The following ADAMTS2 variants were observed in gnomAD, a reference collection of about 807,000 sequenced individuals.
The protein encoded by ADAMTS2 is ADAM metallopeptidase with thrombospondin type 1 motif 2.
Under a neutral mutation model 123.0 loss-of-function variants are expected in ADAMTS2, and 50 were observed. That is an observed-to-expected ratio of 0.41 (90% CI 0.32 to 0.51). ADAMTS2 has a LOEUF of 0.51. ADAMTS2 is among the 20% of genes least tolerant of loss of function. The pLI, the probability that ADAMTS2 is intolerant of heterozygous loss-of-function variation, is 0.35. For synonymous variants in ADAMTS2, 678 were observed against 695.4 expected, an observed-to-expected ratio of 0.98 and a Z score of 0.39; for missense variants, 1,494 against 1,705.2, an observed-to-expected ratio of 0.88 and a Z score of 2.18.
intron 3 of ADAMTS2, among the ~76,000 whole-genome samples, chr5:179,218,994 G>T (rs1765064731): frequency 6.6e-6 from 1 of 152,114 alleles, no homozygotes; most frequent in Non-Finnish European, 1.5e-5. Flanking sequence ...GCCCTGTCTG[G>T]CCATTACACC....
At chr5:179,149,088 G>A (rs1763305300) in intron 10 of ADAMTS2, among the ~76,000 whole-genome samples, 1 of 152,224 alleles carries the variant, frequency 6.6e-6, no homozygotes, top group African/African-American at 2.4e-5. Context: ...TGGGGTTGCA[G>A]GCGAGGAGGG....
At chr5:179,206,350 G>A (rs976758177) in intron 4 of ADAMTS2, among the ~76,000 whole-genome samples, 1 of 152,174 alleles carries the variant, frequency 6.6e-6, no homozygotes, top group African/African-American at 2.4e-5. Context: ...CTTGGCTCCT[G>A]GAGGGGCTCA....
At chr5:179,263,365 T>C (rs1264224970) in intron 3 of ADAMTS2, among the ~76,000 whole-genome samples, 2 of 150,896 alleles carry the variant, frequency 1.3e-5, no homozygotes, top group African/African-American at 2.4e-5. Flanking sequence ...CCCCATGATT[T>C]GGGGAGCAGC....
chr5:179,306,897 G>A lies in ADAMTS2; in HGVS notation c.535-33833C>T, dbSNP rs535925829. On this transcript the variant is annotated intron_variant, in intron 2 of 21. Coordinates refer to ENST00000251582, the MANE Select transcript of ADAMTS2 (RefSeq NM_014244.5). The stretch of plus-strand genomic sequence containing the variant: ...GTGCTCCCACAGGCTCTGAGGACAT[G>A]GCTCTTATTCCAGGACCAGGCCTGA... Among the ~76,000 whole-genome samples, 22 of 152,284 alleles carry A rather than the reference G, an allele frequency of 1.4e-4. 1 individual carries two copies. In the South Asian group the frequency reaches 2.5e-3, roughly 17 times the overall value.
chr5:179,126,042 T>C lies in ADAMTS2; in HGVS notation c.2706A>G (p.Lys902=). Residue 902 remains lysine, a synonymous_variant, in exon 18 of 22, where the codon AAA becomes AAG. Transcript: ENST00000251582. ...GTGGGTTGCACGCTCTGCGGATGGC[T>C]TTGGGCTTCGAGAGGGCGGCACAGA... ...RGFCAALSKP[K]AIRRACNPQE... The C allele has an allele frequency of 6.2e-7, 1 of 1,613,420 alleles. No individual in the cohort carries two copies. The highest frequency in any genetic ancestry group is 1.3e-5 in the African/African-American group (1 of 75,080).
At chr5:179,247,814 T>C (rs1365169663) in intron 3 of ADAMTS2, among the ~76,000 whole-genome samples, 2 of 152,108 alleles carry the variant, frequency 1.3e-5, no homozygotes, top group South Asian at 4.1e-4. Flanking sequence ...TAAGACACTT[T>C]CAGAGAAACA....
intron 12 of ADAMTS2, among the ~76,000 whole-genome samples, chr5:179,137,544 GCTA>G (rs1452794836): frequency 6.6e-6 from 1 of 152,252 alleles, no homozygotes; most frequent in Non-Finnish European, 1.5e-5. Context: ...CATGTCCTCA[GCTA>G]CTCTGGGGTG....
At chr5:179,263,847 C>T (rs531593055) in intron 3 of ADAMTS2, among the ~76,000 whole-genome samples, 1 of 152,238 alleles carries the variant, frequency 6.6e-6, no homozygotes, top group Non-Finnish European at 1.5e-5. Flanking sequence ...GCTCAGAGCT[C>T]CTTCAGGGCC....
At chr5:179,343,674 G>T (rs1757845619) in intron 2 of ADAMTS2, 93 bp downstream of exon 2, 4 of 1,506,164 alleles carry the variant, frequency 2.7e-6, no homozygotes, top group Non-Finnish European at 3.6e-6. Context: ...CCTCAGCGCA[G>T]GCCTTGCCCT....
chr5:179,335,400 A>T (rs1174540355), intron 2 of ADAMTS2, among the ~76,000 whole-genome samples: 1 of 152,146 alleles, frequency 6.6e-6, no homozygotes, highest in Non-Finnish European at 1.5e-5. Context: ...GTACCTCTCA[A>T]TTCAGACCAG....
rs191616688 is a variant in ADAMTS2, at chr5:179,113,577, C to T, written c.*290G>A. 2.2e-6 allele frequency: 1 copy of T among 458,042 alleles called. No individual in the cohort carries two copies. The highest frequency in any genetic ancestry group is 4.2e-5 in the East Asian group (1 of 23,976). The allele number at this position is 458,042 out of a possible 1,614,324, so 28.4% of individuals were successfully genotyped here. A position where few individuals can be genotyped will look rare whatever the true frequency, so the allele number is the denominator to read the frequency against. ...CCTATTTTTGTTCTCTCAGAGTGAT[C>T]CCTCTTGCCCTGCCCTCACTGAGGG... is the stretch of plus-strand genomic sequence containing the variant. On this transcript the variant is annotated 3_prime_UTR_variant, in exon 22 of 22. Coordinates refer to ENST00000251582, the MANE Select transcript of ADAMTS2 (RefSeq NM_014244.5).
intron 2 of ADAMTS2, 100 bp downstream of exon 2, chr5:179,343,667 C>T (rs1581299095): frequency 6.8e-7 from 1 of 1,480,694 alleles, no homozygotes; most frequent in East Asian, 2.5e-5. Context: ...GGAAAGTCCT[C>T]AGCGCAGGCC....
chr5:179,220,095 G>A (rs1765093088), intron 3 of ADAMTS2, among the ~76,000 whole-genome samples: 1 of 152,278 alleles, frequency 6.6e-6, no homozygotes, highest in Non-Finnish European at 1.5e-5. Context: ...GGGAAGGGGA[G>A]CTGGCCTGGG....
At chr5:179,344,191 G>A (rs183394475) in intron 1 of ADAMTS2, 30 bp from the exon 2 acceptor site, 3 of 1,557,722 alleles carry the variant, frequency 1.9e-6, no homozygotes, top group African/African-American at 1.3e-5. Flanking sequence ...TAGATCGGCG[G>A]AGACCACGGA....
rs1764023946 is a variant in ADAMTS2 at position 179,180,672 on chromosome 5, T to A, written c.975+400A>T. 6.6e-6 allele frequency among the ~76,000 whole-genome samples: 1 copy of A among 152,120 alleles called. No homozygotes were observed. The highest frequency in any genetic ancestry group is 6.5e-5 in the Admixed American group (1 of 15,278). On this transcript the variant is annotated intron_variant, in intron 5 of 21. Transcript: ENST00000251582. The surrounding 1 kb of genome is among the most constrained non-coding windows in gnomAD (Gnocchi z 4.6). ...GACCGCTCCACTCCCCAGAGCCCAC[T>A]GGAATTATTCAAACTGGCCAACCTT...
At chr5:179,116,260 A>ACCC (rs146306326) in intron 21 of ADAMTS2, among the ~76,000 whole-genome samples, 1 of 93,778 alleles carries the variant, frequency 1.1e-5, no homozygotes. Context: ...TGACCACGGC[A>ACCC]CCCCCCCCCC....
intron 2 of ADAMTS2, among the ~76,000 whole-genome samples, chr5:179,274,053 C>T (rs1262875037): frequency 6.7e-6 from 1 of 150,182 alleles, no homozygotes; most frequent in African/African-American, 2.5e-5. Flanking sequence ...GTTCCCCCTT[C>T]GAGGCCTGAT....
rs1449971043 is a variant in ADAMTS2, at chr5:179,115,161, G to A, written c.3179-837C>T. ...TGGTCCAGCTTACATGGAGAGCCCC[G>A]ACTCTCCACAGAAGCCACCATTATC... On this transcript the variant is annotated intron_variant, in intron 21 of 21. Transcript: ENST00000251582. This position sits in a 1 kb window ranked among gnomAD's most constrained non-coding sequence, Gnocchi z 4.4. Among the ~76,000 whole-genome samples the A allele has an allele frequency of 2.0e-5, 3 of 152,024 alleles. No individual in the cohort carries two copies. The highest frequency in any genetic ancestry group is 4.4e-5 in the Non-Finnish European group (3 of 68,024).
chr5:179,164,136 G>A (rs1315445046), intron 5 of ADAMTS2, among the ~76,000 whole-genome samples: 2 of 152,242 alleles, frequency 1.3e-5, no homozygotes, highest in African/African-American at 2.4e-5. Flanking sequence ...AAGCCACAGA[G>A]CTGCTTGTGC....
Sources: allele counts gnomAD v4.1 joint callset (sites outside exome capture counted in the v4.1 genomes callset), GRCh38; gene constraint gnomAD v4.1.1; non-coding constraint Gnocchi (gnomAD v3.1); transcripts MANE v1.5; gene names NCBI Gene and HGNC (gene_info 2026-07-23, HGNC 2026-07-21).